The following KIF1B variants were observed in gnomAD, a reference collection of about 807,000 sequenced individuals.
KIF1B encodes the protein kinesin-like protein KIF1B.
A neutral mutation model predicts 241.9 loss-of-function variants in KIF1B; 76 were observed. The observed-to-expected ratio is 0.31, with a 90% CI of 0.26 to 0.38. KIF1B has a LOEUF of 0.38. Ranked by LOEUF, KIF1B falls within the 10% of genes least tolerant of loss-of-function variation. KIF1B has a pLI of 1.00. For missense variants in KIF1B, 1,622 were observed against 2,271.4 expected (o/e 0.71, Z 5.81); for synonymous variants, 750 against 796.7 (o/e 0.94, Z 0.99).
At position 10,381,262 on chromosome 1, in the gene KIF1B, C is replaced by T. The variant is rs1330226693; in HGVS notation, c.*4675C>T. ...AGATTTCAAGTCTCTTGTCACCATC[C>T]TCACACATGACAACAAAACCCATAA... On this transcript the variant is annotated 3_prime_UTR_variant, in exon 49 of 49. Transcript: ENST00000676179. 2 of 226,076 alleles carry T rather than the reference C, an allele frequency of 8.8e-6. No individual in the cohort carries two copies. Among genetic ancestry groups the T allele is most frequent in the East Asian group, 1.3e-4 (2 of 15,608 alleles). 14.0% of individuals were successfully genotyped at this position (226,076 alleles called of 1,614,324 possible). A position where few individuals can be genotyped will look rare whatever the true frequency, so the allele number is the denominator to read the frequency against.
intron 2 of KIF1B, among the ~76,000 whole-genome samples, chr1:10,241,723 G>T (rs1647138943): frequency 6.6e-6 from 1 of 151,504 alleles, no homozygotes; most frequent in Non-Finnish European, 1.5e-5. Flanking sequence ...TGCATTTGTT[G>T]GTTTCTCATA....
chr1:10,262,089 C>A, intron 5 of KIF1B, 119 bp downstream of exon 5: 1 of 775,736 alleles, frequency 1.3e-6, no homozygotes, highest in Non-Finnish European at 2.3e-6. Context: ...TCATTTTTGT[C>A]CTTTCAGGCT....
chr1:10,232,390 G>A lies in KIF1B; in HGVS notation c.62G>A (p.Ser21Asn), dbSNP rs774652777. 1.4e-5 allele frequency: 23 copies of A among 1,614,100 alleles called. No individual in the cohort carries two copies. Among genetic ancestry groups the A allele is most frequent in the Middle Eastern group, 3.3e-4 (2 of 6,062 alleles). The change falls in exon 2 of 49, where the codon AGC becomes AAC. Residue 21 changes from serine (S) to asparagine (N), a missense_variant. By Grantham distance (46) the Ser-to-Asn change is conservative. Transcript: ENST00000676179. ...AGGCCCTTCAATTCTCGAGAGACCA[G>A]CAAGGAATCCAAATGCATCATTCAG... ...RVRPFNSRET[S>N]KESKCIIQMQ...
chr1:10,251,282 G>A (rs897281357), intron 2 of KIF1B, among the ~76,000 whole-genome samples: 1 of 151,804 alleles, frequency 6.6e-6, no homozygotes, highest in African/African-American at 2.4e-5. Flanking sequence ...AGAGGAAAAG[G>A]ATTTCATGTG....
At chr1:10,275,367 C>T in intron 10 of KIF1B, 61 bp from the exon 11 acceptor site, 1 of 894,958 alleles carries the variant, frequency 1.1e-6, no homozygotes, top group Non-Finnish European at 1.9e-6. Flanking sequence ...ACTGATTTGC[C>T]TTTCTTGGGA....
chr1:10,361,862 G>T, intron 40 of KIF1B, 37 bp downstream of exon 40: 1 of 1,609,234 alleles, frequency 6.2e-7, no homozygotes, highest in Non-Finnish European at 8.5e-7. Flanking sequence ...CAGTGTGTTT[G>T]TTCAGTACAA....
At chr1:10,220,191 C>T (rs546976287) in intron 1 of KIF1B, among the ~76,000 whole-genome samples, 6 of 141,866 alleles carry the variant, frequency 4.2e-5, no homozygotes, top group South Asian at 2.2e-4. Flanking sequence ...GCAACAAAAG[C>T]GAAACTCCGT....
At chr1:10,234,716 G>C (rs114189674) in intron 2 of KIF1B, among the ~76,000 whole-genome samples, 1 of 151,112 alleles carries the variant, frequency 6.6e-6, no homozygotes, top group Admixed American at 6.6e-5. Context: ...TAGAGACGGG[G>C]ACTCACTATA....
In KIF1B at chr1:10,379,942, C is replaced by A. The variant is rs1251172414; in HGVS notation, c.*3355C>A. 4.4e-6 allele frequency: 1 copy of A among 229,452 alleles called. No individual in the cohort carries two copies. The highest frequency in any genetic ancestry group is 8.7e-6 in the Non-Finnish European group (1 of 115,592). 14.2% of individuals were successfully genotyped at this position (229,452 alleles called of 1,614,324 possible). ...GAGCCCCAGCTCGTTGTTAAACGTG[C>A]TGACGGCAAGGGGCAATGGAGTGAG... is the stretch of plus-strand genomic sequence containing the variant. On this transcript the variant is annotated 3_prime_UTR_variant, in exon 49 of 49. Transcript: ENST00000676179.
chr1:10,318,944 A>G (rs1244542898), intron 22 of KIF1B, among the ~76,000 whole-genome samples: 1 of 152,090 alleles, frequency 6.6e-6, no homozygotes, highest in Non-Finnish European at 1.5e-5. Flanking sequence ...ACATATCTGT[A>G]TACTGATTAT....
intron 7 of KIF1B, 88 bp from the exon 8 acceptor site, chr1:10,271,414 A>G (rs1648793892): frequency 2.1e-6 from 2 of 953,500 alleles, no homozygotes; most frequent in Non-Finnish European, 3.5e-6. Flanking sequence ...CCATACCTTA[A>G]TCTTTTAAAA....
At chr1:10,304,351 A>G in intron 22 of KIF1B, 1 of 1,614,224 alleles carries the variant, frequency 6.2e-7, no homozygotes, top group Non-Finnish European at 8.5e-7. Context: ...TTCTCTCAAT[A>G]ATGGCCAGCC....
chr1:10,254,855 C>T (rs576132401), intron 2 of KIF1B, among the ~76,000 whole-genome samples: 1 of 117,418 alleles, frequency 8.5e-6, no homozygotes, highest in Non-Finnish European at 1.6e-5. Context: ...TCAGCTAGGG[C>T]GACAGAGGGA....
chr1:10,318,501 C>A (rs151101529), intron 22 of KIF1B, among the ~76,000 whole-genome samples: 1 of 151,418 alleles, frequency 6.6e-6, no homozygotes, highest in East Asian at 1.9e-4. Context: ...GTGGGCAGAT[C>A]GTGAGGTCAG....
chr1:10,342,218 G>C (rs1164197873), intron 33 of KIF1B, 50 bp downstream of exon 33: 2 of 1,129,442 alleles, frequency 1.8e-6, no homozygotes, highest in East Asian at 2.3e-5. Context: ...TTGATTTTTA[G>C]TTTCTCAATT....
At chr1:10,366,251 A>T (rs1638569465) in intron 43 of KIF1B, among the ~76,000 whole-genome samples, 1 of 151,866 alleles carries the variant, frequency 6.6e-6, no homozygotes, top group African/African-American at 2.4e-5. Flanking sequence ...ATAAAATAAT[A>T]AAAAATTAAA....
intron 15 of KIF1B, among the ~76,000 whole-genome samples, chr1:10,290,253 CT>C (rs1649926030): frequency 6.6e-6 from 1 of 152,092 alleles, no homozygotes; most frequent in South Asian, 2.1e-4. Context: ...TTTGCTGCCC[CT>C]ATCAACCCGT....
chr1:10,243,630 A>G (rs1197260599), intron 2 of KIF1B, among the ~76,000 whole-genome samples: 1 of 152,198 alleles, frequency 6.6e-6, no homozygotes, highest in Non-Finnish European at 1.5e-5. Context: ...TCACATATCT[A>G]TTAATTGAGG....
chr1:10,373,872 C>T (rs1422979855), intron 45 of KIF1B, among the ~76,000 whole-genome samples: 3 of 152,212 alleles, frequency 2.0e-5, no homozygotes, highest in South Asian at 2.1e-4. Flanking sequence ...CAAAGTTTCT[C>T]GTTCCGTAGG....
Sources: gnomAD v4.1 joint callset for allele counts (sites outside exome capture counted in the v4.1 genomes callset) on GRCh38, gnomAD v4.1.1 for gene constraint, MANE v1.5 for transcripts, NCBI Gene and HGNC (gene_info 2026-07-23, HGNC 2026-07-21) for gene names.